Variants in LDAH observed in about 807,000 individuals in gnomAD.
LDAH encodes the protein lipid droplet-associated hydrolase.
LDAH carries 26 observed loss-of-function variants against 29.6 expected under a neutral mutation model. That is an observed-to-expected ratio of 0.88 (90% CI 0.64 to 1.22). The LOEUF (loss-of-function observed/expected upper bound fraction) is 1.22, where lower values mean the gene tolerates loss of function less well. Ranked by LOEUF, LDAH falls within the 50% of genes most tolerant of loss-of-function variation. The pLI is 0.00. For synonymous variants in LDAH, 117 were observed against 133.0 expected, an observed-to-expected ratio of 0.88 and a Z score of 0.83; for missense variants, 344 against 387.3, an observed-to-expected ratio of 0.89 and a Z score of 0.94.
chr2:20,770,611 C>G (rs375022999), intron 4 of LDAH, among the ~76,000 whole-genome samples: 1 of 152,216 alleles, frequency 6.6e-6, no homozygotes, highest in African/African-American at 2.4e-5. Flanking sequence ...CTGTATTATT[C>G]TCCCCCCACC....
At chr2:20,802,003 TGTATATATAC>T (rs1671732665) in intron 1 of LDAH, among the ~76,000 whole-genome samples, 1 of 151,584 alleles carries the variant, frequency 6.6e-6, no homozygotes, top group African/African-American at 2.4e-5. Context: ...TGTATATATA[TGTATATATAC>T]ATATACATAC....
chr2:20,733,770 C>T (rs2149427617), intron 5 of LDAH, among the ~76,000 whole-genome samples: 1 of 152,216 alleles, frequency 6.6e-6, no homozygotes, highest in African/African-American at 2.4e-5. Context: ...AACTCCTGGG[C>T]TCAAGCGATC....
chr2:20,819,803 A>C (rs1447080035), intron 1 of LDAH, among the ~76,000 whole-genome samples: 1 of 152,234 alleles, frequency 6.6e-6, no homozygotes, highest in Admixed American at 6.5e-5. Context: ...GTATTCAATT[A>C]GGAAAAGAGG....
chr2:20,783,068 C>T (rs1320452836), intron 3 of LDAH, among the ~76,000 whole-genome samples: 2 of 152,188 alleles, frequency 1.3e-5, no homozygotes, highest in African/African-American at 2.4e-5. Flanking sequence ...TCAGACTTCA[C>T]TGACCCATGT....
At chr2:20,821,509 C>T (rs181662530) in intron 1 of LDAH, among the ~76,000 whole-genome samples, 11,870 of 152,024 alleles carry the variant, frequency 0.078, 864 homozygotes, top group African/African-American at 0.19. Flanking sequence ...AGCAAACTAT[C>T]GCAAGGACAA....
At chr2:20,746,950 T>C (rs1667613040) in intron 4 of LDAH, among the ~76,000 whole-genome samples, 1 of 152,142 alleles carries the variant, frequency 6.6e-6, no homozygotes, top group South Asian at 2.1e-4. Context: ...ATATGCACAC[T>C]GGGAATTTTT....
chr2:20,712,124 G>A (rs887733705), intron 5 of LDAH, among the ~76,000 whole-genome samples: 1 of 151,970 alleles, frequency 6.6e-6, no homozygotes, highest in African/African-American at 2.4e-5. Flanking sequence ...ACACCTCCCA[G>A]TAGAGGCCAG....
intron 5 of LDAH, among the ~76,000 whole-genome samples, chr2:20,710,721 T>TATATATACATATATATTATACACATATAC (rs1664689046): frequency 6.8e-6 from 1 of 147,648 alleles, no homozygotes; most frequent in African/African-American, 2.5e-5. Flanking sequence ...ATATTATACA[T>TATATATACATATATATTATACACATATAC]ATATATACAT....
At chr2:20,813,315 T>C (rs1012898453) in intron 1 of LDAH, among the ~76,000 whole-genome samples, 2 of 152,240 alleles carry the variant, frequency 1.3e-5, no homozygotes, top group African/African-American at 4.8e-5. Flanking sequence ...TATTTTTTCA[T>C]GAATGAGTTG....
Position 20,701,645 on chromosome 2 carries a change from A to G in LDAH, c.711T>C (p.Ala237=). 6.2e-7 allele frequency: 1 copy of G among 1,613,456 alleles called. No individual in the cohort carries two copies. The highest frequency in any genetic ancestry group is 8.5e-7 in the Non-Finnish European group (1 of 1,179,518). ...NILEPFCLAN[A]AYLGGQEMME... is the part of the protein sequence containing the mutation. ...TCATTTCTTGGCCCCCAAGGTAGGC[A>G]GCATTAGCTACATTTAAAAAATAAA... Residue 237 remains alanine, a synonymous_variant, in exon 6 of 7, where the codon GCT becomes GCC. Coordinates refer to ENST00000237822, the MANE Select transcript of LDAH (RefSeq NM_021925.4).
chr2:20,725,536 T>C (rs897441747), intron 5 of LDAH, among the ~76,000 whole-genome samples: 4 of 152,216 alleles, frequency 2.6e-5, no homozygotes, highest in Non-Finnish European at 5.9e-5. Context: ...TGGGCTATTC[T>C]GAGATTAAGT....
At chr2:20,724,279 C>T (rs1017098618) in intron 5 of LDAH, among the ~76,000 whole-genome samples, 8 of 152,196 alleles carry the variant, frequency 5.3e-5, no homozygotes, top group African/African-American at 1.9e-4. Context: ...TTCTCATTAC[C>T]ATTCATACCT....
chr2:20,814,296 C>T (rs1323411073), intron 1 of LDAH, among the ~76,000 whole-genome samples: 1 of 151,314 alleles, frequency 6.6e-6, no homozygotes, highest in Non-Finnish European at 1.5e-5. Context: ...TGATAAACCT[C>T]AGCAGTCAAT....
chr2:20,719,711 C>T (rs1007853924), intron 5 of LDAH, among the ~76,000 whole-genome samples: 1 of 151,906 alleles, frequency 6.6e-6, no homozygotes, highest in African/African-American at 2.4e-5. Context: ...AGCATAAATG[C>T]AAAAATCCTC....
At chr2:20,719,802 G>A (rs1652003526) in intron 5 of LDAH, among the ~76,000 whole-genome samples, 1 of 152,062 alleles carries the variant, frequency 6.6e-6, no homozygotes, top group African/African-American at 2.4e-5. Context: ...AGGGAGGCAA[G>A]GATGGTTCAG....
intron 4 of LDAH, among the ~76,000 whole-genome samples, chr2:20,750,998 G>A (rs1667932128): frequency 6.6e-6 from 1 of 152,130 alleles, no homozygotes; most frequent in Non-Finnish European, 1.5e-5. Flanking sequence ...TAAACACTAT[G>A]GACCACTTGA....
chr2:20,691,348 A>ATT lies in LDAH; in HGVS notation c.787-4256_787-4255dup, dbSNP rs5829754. 1.8e-3 allele frequency among the ~76,000 whole-genome samples: 267 copies of ATT among 151,286 alleles called. 7 individuals carry two copies. In the South Asian group the frequency reaches 0.052, roughly 29 times the overall value. ...TGCCACCATGCTCAGCTAATTTTTA[A>ATT]TTTTTTTTTGTAGAGACGAAGTCTC... On this transcript the variant is annotated intron_variant, in intron 6 of 6. Coordinates refer to ENST00000237822, the MANE Select transcript of LDAH (RefSeq NM_021925.4).
Position 20,684,874 on chromosome 2 carries a change from C to A in LDAH, c.*2029G>T, listed in dbSNP as rs1014203660. The A allele has an allele frequency of 2.6e-6, 4 of 1,547,424 alleles. No homozygotes were observed. The highest frequency in any genetic ancestry group is 4.0e-5 in the Admixed American group (2 of 50,542). ...CACTGTTTGTCCATTTTAGTCTAATCCCTAATGAAACAGAATGAACTTCAG... is the reference window on the plus strand; with the variant it reads ...CACTGTTTGTCCATTTTAGTCTAATACCTAATGAAACAGAATGAACTTCAG... On this transcript the variant is annotated 3_prime_UTR_variant, in exon 7 of 7. Coordinates refer to ENST00000237822, the MANE Select transcript of LDAH (RefSeq NM_021925.4).
chr2:20,708,435 C>T (rs1664467103), intron 5 of LDAH, among the ~76,000 whole-genome samples: 1 of 152,078 alleles, frequency 6.6e-6, no homozygotes, highest in African/African-American at 2.4e-5. Context: ...TATAGAAGTA[C>T]AAAAATATCC....
Sources: allele counts gnomAD v4.1 joint callset (sites outside exome capture counted in the v4.1 genomes callset), GRCh38; gene constraint gnomAD v4.1.1; transcripts MANE v1.5; gene names NCBI Gene and HGNC (gene_info 2026-07-23, HGNC 2026-07-21).